The following SCN10A variants were observed in gnomAD, a reference collection of about 807,000 sequenced individuals.
The protein encoded by SCN10A is sodium channel protein type 10 subunit alpha.
In SCN10A, 162 loss-of-function variants were observed where a neutral mutation model predicts 170.7. That is an observed-to-expected ratio of 0.95 (90% CI 0.84 to 1.08). The LOEUF (loss-of-function observed/expected upper bound fraction) is 1.08, where lower values mean the gene tolerates loss of function less well. Among genes scored for constraint, SCN10A ranks in the 50% least tolerant of loss-of-function variants. The pLI, the probability that SCN10A is intolerant of heterozygous loss-of-function variation, is 0.00. For missense variants in SCN10A, 2,527 were observed against 2,436.9 expected (o/e 1.04, Z -0.78); for synonymous variants, 985 against 904.6 (o/e 1.09, Z -1.59).
intron 1 of SCN10A, among the ~76,000 whole-genome samples, chr3:38,798,974 G>A (rs1388255910): frequency 6.6e-6 from 1 of 151,524 alleles, no homozygotes; most frequent in Non-Finnish European, 1.5e-5. Flanking sequence ...TTTTTGATGG[G>A]GTTTTTCCAT....
intron 15 of SCN10A, among the ~76,000 whole-genome samples, chr3:38,739,159 C>T (rs865889615): frequency 1.3e-5 from 2 of 152,102 alleles, no homozygotes; most frequent in Non-Finnish European, 2.9e-5. Context: ...AAATGAGGTG[C>T]GTTTTTTCAA....
chr3:38,718,396 G>A (rs1167212708), intron 21 of SCN10A, among the ~76,000 whole-genome samples: 1 of 152,206 alleles, frequency 6.6e-6, no homozygotes, highest in African/African-American at 2.4e-5. Flanking sequence ...ATGTAAAAAT[G>A]CAGAGGATTG....
At chr3:38,715,385 A>AAATCTGATT (rs1333935568) in intron 21 of SCN10A, among the ~76,000 whole-genome samples, 3 of 152,186 alleles carry the variant, frequency 2.0e-5, no homozygotes, top group Non-Finnish European at 4.4e-5. Context: ...TCTCCACTGC[A>AAATCTGATT]AATCTGATTA....
intron 1 of SCN10A, among the ~76,000 whole-genome samples, chr3:38,811,738 G>A (rs906018423): frequency 3.3e-5 from 5 of 152,132 alleles, no homozygotes; most frequent in Non-Finnish European, 7.3e-5. Context: ...CTAATAAGAG[G>A]CAGAGCTGGA....
At chr3:38,760,598 C>A in intron 8 of SCN10A, 83 bp downstream of exon 8, 3 of 1,063,972 alleles carry the variant, frequency 2.8e-6, no homozygotes, top group South Asian at 2.6e-5. Context: ...ACCTGCAACC[C>A]CATCTGTGCC....
chr3:38,697,588 A>C lies in SCN10A; in HGVS notation c.5632T>G (p.Cys1878Gly). Residue 1878 changes from cysteine to glycine, a missense_variant, in exon 28 of 28, where the codon TGT (cysteine) becomes GGT (glycine). Physicochemically the swap from Cys to Gly is radical, Grantham distance 159 (BLOSUM62 -3). Coordinates refer to ENST00000449082, the MANE Select transcript of SCN10A (RefSeq NM_006514.4). ...HRSMALSNTP[C>G]VPRAEEEAAS... ...GCCTCCTCCTCAGCTCTGGGCACAC[A>C]TGGGGTGTTAGAGAGTGCCATGGAG... 1.2e-6 allele frequency: 2 copies of C among 1,614,174 alleles called. No homozygotes were observed. Among genetic ancestry groups the C allele is most frequent in the Non-Finnish European group, 1.7e-6 (2 of 1,180,022 alleles).
Position 38,769,239 on chromosome 3 carries a change from CT to C in SCN10A, c.599+2039del, listed in dbSNP as rs56406440. On this transcript the variant is annotated intron_variant, in intron 5 of 27. Transcript: ENST00000449082. ...CACTTAATAATCAGCCTTCTGAATT[CT>C]TTTTTTTTTTTTTTTGAGATGGATT... 1.4e-3 allele frequency among the ~76,000 whole-genome samples: 150 copies of C among 109,976 alleles called. 1 individual carries two copies. The highest frequency in any genetic ancestry group is 9.2e-3 in the South Asian group (30 of 3,250). The allele number at this position is 109,976 out of a possible 152,430, so 72.1% of individuals were successfully genotyped here. A position where few individuals can be genotyped will look rare whatever the true frequency, so the allele number is the denominator to read the frequency against.
intron 26 of SCN10A, among the ~76,000 whole-genome samples, chr3:38,704,640 G>A (rs1456474909): frequency 1.3e-5 from 2 of 152,186 alleles, no homozygotes; most frequent in East Asian, 3.9e-4. Flanking sequence ...TTCTGTAGCA[G>A]GGAATGTTAA....
rs779184623 is a variant in SCN10A at position 38,763,570 on chromosome 3, C to T, written c.626G>A (p.Arg209His). Residue 209 changes from arginine (R) to histidine (H), a missense_variant, in exon 6 of 28, where the codon CGT becomes CAT. Arg to His is a conservative substitution (Grantham distance 29). Transcript: ENST00000449082. ...LAYVGTAIDL[R>H]GISGLRTFRV... The stretch of plus-strand genomic sequence containing the variant: ...GAATGTCCGCAGGCCTGAGATCCCA[C>T]GGAGATCTATTGCTGTGCCAACATA... 3.5e-5 allele frequency: 56 copies of T among 1,613,908 alleles called. No homozygotes were observed. The highest frequency in any genetic ancestry group is 1.6e-4 in the Middle Eastern group (1 of 6,082).
chr3:38,727,995 C>A (rs907417912), intron 16 of SCN10A, among the ~76,000 whole-genome samples: 4 of 152,166 alleles, frequency 2.6e-5, no homozygotes, highest in South Asian at 2.1e-4. Context: ...GCAGCCTCTC[C>A]CCCTGCTCCC....
chr3:38,789,162 A>G (rs2064247910), intron 3 of SCN10A, 126 bp from the exon 4 acceptor site: 2 of 665,686 alleles, frequency 3.0e-6, no homozygotes, highest in African/African-American at 1.8e-5. Context: ...ATCTTGTCAC[A>G]TAATAACCAC....
intron 1 of SCN10A, among the ~76,000 whole-genome samples, chr3:38,795,584 T>C (rs2064335801): frequency 6.6e-6 from 1 of 152,094 alleles, no homozygotes; most frequent in African/African-American, 2.4e-5. Flanking sequence ...GATGGTCCTA[T>C]TGGCTGTTTT....
Position 38,713,986 on chromosome 3 carries a change from C to T in SCN10A, c.3776G>A (p.Arg1259Gln), listed in dbSNP as rs957441210. ...LRTLRALRPLRALSRFEGMRV... is the reference protein window; with the variant it reads ...LRTLRALRPLQALSRFEGMRV... ...CATGCCTTCAAATCGAGAAAGAGCC[C>T]GCAGTGGCCGCAGAGCGCGAAGGGT... is the stretch of plus-strand genomic sequence containing the variant. Residue 1259 changes from arginine (R) to glutamine (Q), a missense_variant, in exon 22 of 28, where the codon CGG (arginine) becomes CAG (glutamine). Transcript: ENST00000449082. The T allele has an allele frequency of 9.9e-6, 16 of 1,613,756 alleles. No homozygotes were observed. The highest frequency in any genetic ancestry group is 1.3e-5 in the Non-Finnish European group (15 of 1,180,050).
At chr3:38,760,491 C>T (rs926540306) in intron 8 of SCN10A, among the ~76,000 whole-genome samples, 190 bp downstream of exon 8, 2 of 152,242 alleles carry the variant, frequency 1.3e-5, no homozygotes, top group Non-Finnish European at 2.9e-5. Flanking sequence ...ATTTTGGGGT[C>T]ATTTGTTACA....
At chr3:38,795,462 T>G (rs2064334475) in intron 1 of SCN10A, among the ~76,000 whole-genome samples, 1 of 148,706 alleles carries the variant, frequency 6.7e-6, no homozygotes, top group Non-Finnish European at 1.5e-5. Flanking sequence ...CACCTCAGCC[T>G]CCCGAATAGC....
rs2125979289 is a variant in SCN10A at position 38,697,805 on chromosome 3, A to G, written c.5415T>C (p.Phe1805=). The G allele has an allele frequency of 6.2e-7, 1 of 1,614,194 alleles. No homozygotes were observed. The highest frequency in any genetic ancestry group is 8.5e-7 in the Non-Finnish European group (1 of 1,180,028). Residue 1805 remains phenylalanine (F), a synonymous_variant, in exon 28 of 28, where the codon TTT becomes TTC. Coordinates refer to ENST00000449082, the MANE Select transcript of SCN10A (RefSeq NM_006514.4). ...CTCCTAGGACATTCTTGGTGAAAGCAAAAAGGATGTCCAAGCAGTGGATCT... is the reference window on the plus strand; with the variant it reads ...CTCCTAGGACATTCTTGGTGAAAGCGAAAAGGATGTCCAAGCAGTGGATCT... ...GDKIHCLDIL[F]AFTKNVLGES...
chr3:38,780,361 C>T (rs566481881), intron 4 of SCN10A, among the ~76,000 whole-genome samples: 3 of 151,840 alleles, frequency 2.0e-5, no homozygotes, highest in Non-Finnish European at 4.4e-5. Context: ...TCTGTATCAC[C>T]GTGAGGAGTA....
chr3:38,771,521 A>G (rs1373547206), intron 4 of SCN10A, 114 bp from the exon 5 acceptor site: 2 of 1,021,870 alleles, frequency 2.0e-6, no homozygotes, highest in Middle Eastern at 2.4e-4. Flanking sequence ...AAAAACATGC[A>G]AAGAATATCA....
chr3:38,712,251 C>T lies in SCN10A; in HGVS notation c.3999G>A (p.Lys1333=), dbSNP rs1486570225. ...AGAAGCTGCCAGTGGAGTTTTGAAT[C>T]TTGCAGTCAGACTTGTTATTCACAA... ...LSIVNNKSDC[K]IQNSTGSFFW... is the part of the protein sequence containing the mutation. Residue 1333 remains lysine (K), a synonymous_variant, in exon 23 of 28, where the codon AAG becomes AAA. Transcript: ENST00000449082. 6.2e-7 allele frequency: 1 copy of T among 1,614,102 alleles called. No individual in the cohort carries two copies. The highest frequency in any genetic ancestry group is 8.5e-7 in the Non-Finnish European group (1 of 1,180,028).
Sources: gnomAD v4.1 joint callset for allele counts (sites outside exome capture counted in the v4.1 genomes callset) on GRCh38, gnomAD v4.1.1 for gene constraint, MANE v1.5 for transcripts, NCBI Gene and HGNC (gene_info 2026-07-23, HGNC 2026-07-21) for gene names.